Variants in RYR1 observed in about 807,000 individuals in gnomAD.
RYR1 encodes the protein ryanodine receptor 1, also known as central core disease of muscle.
RYR1 carries 342 observed loss-of-function variants against 583.5 expected under a neutral mutation model. That is an observed-to-expected ratio of 0.59 (90% CI 0.54 to 0.64). RYR1 has a LOEUF of 0.64. RYR1 is among the 30% of genes least tolerant of loss of function. The probability of loss-of-function intolerance (pLI) is 0.00; values close to 1 mark genes in which losing one functional copy is unlikely to be tolerated. For synonymous variants in RYR1, 2,791 were observed against 2,822.5 expected (o/e 0.99, Z 0.35); for missense variants, 6,032 against 6,917.2 (o/e 0.87, Z 4.54).
chr19:38,457,068 AAAAG>A, intron 16 of RYR1, among the ~76,000 whole-genome samples: 1 of 151,118 alleles, frequency 6.6e-6, no homozygotes, highest in Non-Finnish European at 1.5e-5. Flanking sequence ...AAAAAAAAAA[AAAAG>A]GAATAACAAA....
chr19:38,518,417 A>G (rs929703628), intron 66 of RYR1, among the ~76,000 whole-genome samples: 2 of 151,320 alleles, frequency 1.3e-5, no homozygotes, highest in African/African-American at 2.4e-5. Flanking sequence ...AAAAAAAAAA[A>G]AAAAAAGAAA....
In RYR1 at chr19:38,485,517, G is replaced by C. The variant is rs1440082725; in HGVS notation, c.4935-73G>C. The C allele has an allele frequency of 4.4e-6, 7 of 1,578,474 alleles. No individual in the cohort carries two copies. The Admixed American group carries it at 1.0e-4, about 23-fold the overall frequency. On this transcript the variant is annotated intron_variant, in intron 33 of 105. Transcript: ENST00000359596. ...GGTGGATAGTGATGAAGGAAATGGAGGAAGAGATGGTGGCTTGACTGATGC... is the reference window on the plus strand; with the variant it reads ...GGTGGATAGTGATGAAGGAAATGGACGAAGAGATGGTGGCTTGACTGATGC...
intron 39 of RYR1, 36 bp downstream of exon 39, chr19:38,494,661 C>T: frequency 1.2e-6 from 2 of 1,612,714 alleles, no homozygotes; most frequent in East Asian, 2.2e-5. Flanking sequence ...TTTGCATATC[C>T]CCTTGGGTAA....
intron 1 of RYR1, among the ~76,000 whole-genome samples, chr19:38,437,603 C>T (rs1315565434): frequency 1.3e-5 from 2 of 151,990 alleles, no homozygotes; most frequent in African/African-American, 4.8e-5. Context: ...TTGCTTGAGG[C>T]CGGGAGTTCA....
At chr19:38,505,183 C>A (rs1156623049) in intron 52 of RYR1, 102 bp downstream of exon 52, 11 of 1,230,782 alleles carry the variant, frequency 8.9e-6, no homozygotes, top group Non-Finnish European at 1.2e-5. Flanking sequence ...GACCCCCCAG[C>A]CTTCCCTAAG....
intron 101 of RYR1, among the ~76,000 whole-genome samples, chr19:38,584,305 A>G: frequency 6.8e-5 from 1 of 14,628 alleles, no homozygotes; most frequent in Non-Finnish European, 1.2e-4. Context: ...GCCCCCCCCC[A>G]CCCATCCCGG....
intron 18 of RYR1, 69 bp downstream of exon 18, chr19:38,458,361 T>G (rs577596155): frequency 6.6e-7 from 1 of 1,519,078 alleles, no homozygotes; most frequent in African/African-American, 1.4e-5. Flanking sequence ...TCTCTGACCA[T>G]ACACCTTGGG....
At chr19:38,562,953 A>T (rs1430025140) in intron 90 of RYR1, among the ~76,000 whole-genome samples, 1 of 151,928 alleles carries the variant, frequency 6.6e-6, no homozygotes, top group Non-Finnish European at 1.5e-5. Context: ...ACACACCCCC[A>T]TCTGGCACAC....
chr19:38,471,420 C>T (rs1968412950), intron 27 of RYR1, among the ~76,000 whole-genome samples: 1 of 152,114 alleles, frequency 6.6e-6, no homozygotes, highest in African/African-American at 2.4e-5. Flanking sequence ...GTCCCAGCCA[C>T]TTGGGAGGCT....
intron 102 of RYR1, 132 bp downstream of exon 102, chr19:38,585,231 G>C: frequency 9.0e-7 from 1 of 1,116,044 alleles, no homozygotes; most frequent in Non-Finnish European, 1.3e-6. Context: ...CCTTGGGCAA[G>C]TCACCTCTCG....
intron 58 of RYR1, among the ~76,000 whole-genome samples, chr19:38,509,255 C>A (rs925009825): frequency 6.6e-6 from 1 of 152,024 alleles, no homozygotes; most frequent in South Asian, 2.1e-4. Flanking sequence ...CATAACTAGC[C>A]ATGGTTCTGT....
chr19:38,521,446 A>C (rs1971221169), intron 67 of RYR1, among the ~76,000 whole-genome samples: 1 of 151,512 alleles, frequency 6.6e-6, no homozygotes. Context: ...GGCCAAAGAG[A>C]GTGGATCACT....
rs1404431784 is a variant in RYR1 at position 38,485,698 on chromosome 19, G to A, written c.5043G>A (p.Ala1681=). The stretch of plus-strand genomic sequence containing the variant: ...GCGCCCTGGGCAACAATCGCGTGGC[G>A]CACGCTCTGTGCAGCCACGTAGACC... The part of the protein sequence containing the change: ...AVCALGNNRV[A]HALCSHVDQA... The change falls in exon 34 of 106, where the codon GCG becomes GCA. Residue 1681 remains alanine (A), a synonymous_variant. Coordinates refer to ENST00000359596, the MANE Select transcript of RYR1 (RefSeq NM_000540.3). 5.0e-6 allele frequency: 8 copies of A among 1,611,212 alleles called. No homozygotes were observed. The highest frequency in any genetic ancestry group is 6.8e-6 in the Non-Finnish European group (8 of 1,179,848).
intron 29 of RYR1, among the ~76,000 whole-genome samples, chr19:38,475,885 T>C (rs1363397604): frequency 1.3e-5 from 2 of 152,238 alleles, no homozygotes; most frequent in African/African-American, 4.8e-5. Flanking sequence ...ACAGACAGCC[T>C]AGTGCAGTGC....
rs867276155 is a variant in RYR1, at chr19:38,457,422, C to G, written c.1792-75C>G. The G allele has an allele frequency of 3.7e-6, 6 of 1,610,278 alleles. No homozygotes were observed. In the Middle Eastern group the frequency reaches 5.2e-4, roughly 140 times the overall value. On this transcript the variant is annotated intron_variant, in intron 16 of 105. Coordinates refer to ENST00000359596, the MANE Select transcript of RYR1 (RefSeq NM_000540.3). The stretch of plus-strand genomic sequence containing the variant: ...TGCGCTGTCCTTTCCTCCTGGCTTC[C>G]CTCCCTCCCAGGGTTCTTCTGTAGA...
At chr19:38,501,916 A>C (rs1970138665) in intron 47 of RYR1, among the ~76,000 whole-genome samples, 1 of 152,110 alleles carries the variant, frequency 6.6e-6, no homozygotes, top group Admixed American at 6.6e-5. Context: ...AGGGACAGAC[A>C]TTGAGGCTGC....
chr19:38,535,548 A>G (rs1971928762), intron 81 of RYR1, 156 bp downstream of exon 81: 5 of 708,712 alleles, frequency 7.1e-6, no homozygotes, highest in Middle Eastern at 6.8e-4. Flanking sequence ...ATAAGAATTA[A>G]TGTAGAACAA....
At chr19:38,522,950 C>T (rs1328083028) in intron 67 of RYR1, 78 bp from the exon 68 acceptor site, 2 of 1,156,246 alleles carry the variant, frequency 1.7e-6, no homozygotes, top group Non-Finnish European at 2.5e-6. Flanking sequence ...CCCATCTCCT[C>T]CTCCAAGATC....
intron 96 of RYR1, among the ~76,000 whole-genome samples, chr19:38,575,197 A>C (rs923035546): frequency 6.6e-6 from 1 of 152,220 alleles, no homozygotes; most frequent in Non-Finnish European, 1.5e-5. Flanking sequence ...GTGCTGAGTT[A>C]GGCTGCTGTT....
Sources: allele counts gnomAD v4.1 joint callset (sites outside exome capture counted in the v4.1 genomes callset), GRCh38; gene constraint gnomAD v4.1.1; transcripts MANE v1.5; gene names NCBI Gene and HGNC (gene_info 2026-07-23, HGNC 2026-07-21).